Variants in FXYD5 observed in about 807,000 individuals in gnomAD.
FXYD5 encodes FXYD domain-containing ion transport regulator 5.
In FXYD5, 21 loss-of-function variants were observed where a neutral mutation model predicts 25.7. The observed-to-expected ratio is 0.82, with a 90% CI of 0.58 to 1.18. FXYD5 has a LOEUF of 1.18. Among genes scored for constraint, FXYD5 ranks in the 50% most tolerant of loss-of-function variants. The pLI is 0.00. For missense variants in FXYD5, 229 were observed against 227.7 expected, an observed-to-expected ratio of 1.01 and a Z score of -0.04; for synonymous variants, 101 against 90.7, an observed-to-expected ratio of 1.11 and a Z score of -0.64.
intron 8 of FXYD5, among the ~76,000 whole-genome samples, chr19:35,167,455 C>T (rs2065460588): frequency 6.6e-6 from 1 of 152,182 alleles, no homozygotes; most frequent in Non-Finnish European, 1.5e-5. Context: ...CCCTCTCCTC[C>T]CACCCCCCTG....
At chr19:35,156,006 T>A (rs1376137014) in intron 2 of FXYD5, among the ~76,000 whole-genome samples, 1 of 152,250 alleles carries the variant, frequency 6.6e-6, no homozygotes, top group Non-Finnish European at 1.5e-5. Context: ...TCCAAAGAGT[T>A]GGCAACATCT....
intron 8 of FXYD5, among the ~76,000 whole-genome samples, chr19:35,168,353 G>A (rs1207064818): frequency 1.3e-5 from 2 of 152,216 alleles, no homozygotes; most frequent in Non-Finnish European, 2.9e-5. Context: ...GAGTGACAGG[G>A]AAGAGAGGGG....
chr19:35,167,630 C>A (rs539088579), intron 8 of FXYD5, among the ~76,000 whole-genome samples: 1 of 152,320 alleles, frequency 6.6e-6, no homozygotes, highest in South Asian at 2.1e-4. Context: ...ATCTGTATAA[C>A]CAATGCCAAG....
chr19:35,160,692 T>G lies in FXYD5; in HGVS notation c.200-17T>G. 1 of 1,568,356 alleles carries G rather than the reference T, an allele frequency of 6.4e-7. No homozygotes were observed. Among genetic ancestry groups the G allele is most frequent in the South Asian group, 1.1e-5 (1 of 90,138 alleles). ...CTCTTTCTTATCCTTCCCTCCTTGC[T>G]CTCCTGACCTGAATAGAAACACCAC... On this transcript the variant is annotated splice_polypyrimidine_tract_variant and intron_variant, in intron 4 of 8. Transcript: ENST00000392219.
At position 35,155,537 on chromosome 19, in the gene FXYD5, G is replaced by T; in HGVS notation, c.1-14G>T. 7 of 1,607,012 alleles carry T rather than the reference G, an allele frequency of 4.4e-6. No individual in the cohort carries two copies. The highest frequency in any genetic ancestry group is 4.2e-6 in the Non-Finnish European group (5 of 1,178,042). ...TGACATCATGGCTGACCCCAGCATC[G>T]CCTGGTCCCACAGATGTCGCCCTCT... On this transcript the variant is annotated splice_polypyrimidine_tract_variant and intron_variant, in intron 1 of 8. Coordinates refer to ENST00000392219, the MANE Select transcript of FXYD5 (RefSeq NM_014164.6).
intron 5 of FXYD5, 120 bp from the exon 6 acceptor site, chr19:35,164,036 G>A (rs777216490): frequency 1.1e-4 from 166 of 1,557,404 alleles, no homozygotes; most frequent in Admixed American, 1.2e-4. Context: ...GCCTGACCCT[G>A]CACACCAGCT....
chr19:35,166,267 G>A lies in FXYD5; in HGVS notation c.429G>A (p.Arg143=), dbSNP rs1467731664. The A allele has an allele frequency of 1.2e-6, 2 of 1,611,932 alleles. No individual in the cohort carries two copies. ...DPFFYDEHTL[R]KRGLLVAAVL... is the part of the protein sequence containing the mutation. ...TCTCTGCAGATGAACACACCCTCCG[G>A]AAACGGGGGCTGTTGGTCGCAGCTG... The change falls in exon 8 of 9, where the codon CGG becomes CGA. Residue 143 remains arginine, a synonymous_variant. Transcript: ENST00000392219.
chr19:35,157,381 G>T, intron 2 of FXYD5, 40 bp from the exon 3 acceptor site: 7 of 1,110,934 alleles, frequency 6.3e-6, no homozygotes, highest in South Asian at 6.2e-5. Context: ...AGAGGAGGGG[G>T]ACCAGGCTCC....
chr19:35,162,049 G>A (rs967279206), intron 5 of FXYD5, among the ~76,000 whole-genome samples: 1 of 152,186 alleles, frequency 6.6e-6, no homozygotes, highest in South Asian at 2.1e-4. Flanking sequence ...CTGTAGGGGT[G>A]GGGGATAGCA....
Position 35,157,461 on chromosome 19 carries a change from C to G in FXYD5, c.102C>G (p.Asp34Glu), listed in dbSNP as rs748726007. The G allele has an allele frequency of 1.9e-6, 3 of 1,597,844 alleles. No individual in the cohort carries two copies. The highest frequency in any genetic ancestry group is 1.1e-5 in the South Asian group (1 of 90,778). The change falls in exon 3 of 9, where the codon GAC (aspartate) becomes GAG (glutamate). Residue 34 changes from aspartate (D) to glutamate (E), a missense_variant. Asp to Glu is a conservative substitution (Grantham distance 45). Coordinates refer to ENST00000392219, the MANE Select transcript of FXYD5 (RefSeq NM_014164.6). ...ATACCACGTCCAGTTCTTCAGCAGA[C>G]TCAACTATCATGGACATTCAGGTCC... Reference protein sequence around the residue: ...LKDTTSSSSADSTIMDIQVPT... With the variant: ...LKDTTSSSSAESTIMDIQVPT...
chr19:35,157,561 A>T, intron 3 of FXYD5, 60 bp downstream of exon 3: 1 of 891,368 alleles, frequency 1.1e-6, no homozygotes, highest in Non-Finnish European at 1.9e-6. Flanking sequence ...AGCAACAAAA[A>T]TCCCAAACTT....
At chr19:35,167,284 C>T (rs931450008) in intron 8 of FXYD5, among the ~76,000 whole-genome samples, 1 of 152,036 alleles carries the variant, frequency 6.6e-6, no homozygotes, top group Admixed American at 6.6e-5. Context: ...GCCTGAGGGA[C>T]AAGAGGAGGC....
At chr19:35,164,516 T>C (rs1396294243) in intron 6 of FXYD5, among the ~76,000 whole-genome samples, 2 of 152,240 alleles carry the variant, frequency 1.3e-5, no homozygotes, top group African/African-American at 4.8e-5. Context: ...TTTGGAAATC[T>C]AGGGTGTGCT....
At chr19:35,159,654 C>T in intron 4 of FXYD5, 2 of 1,547,810 alleles carry the variant, frequency 1.3e-6, no homozygotes, top group Non-Finnish European at 1.7e-6. Context: ...GGAATATGTA[C>T]TGACTATGTG....
At chr19:35,156,973 T>C (rs1711734849) in intron 2 of FXYD5, 1 of 167,320 alleles carries the variant, frequency 6.0e-6, no homozygotes, top group Admixed American at 6.0e-5. Context: ...ACTGACCACA[T>C]GGTAAGCCGT....
At chr19:35,164,088 C>T (rs755955066) in intron 5 of FXYD5, 68 bp from the exon 6 acceptor site, 1 of 1,611,500 alleles carries the variant, frequency 6.2e-7, no homozygotes, top group Non-Finnish European at 8.5e-7. Context: ...TGCAGACTCT[C>T]AGTAATATCC....
rs1305515732 is a variant in FXYD5 at position 35,157,437 on chromosome 19, T to C, written c.78T>C (p.Asp26=). The C allele has an allele frequency of 1.3e-6, 2 of 1,592,852 alleles. No homozygotes were observed. Among genetic ancestry groups the C allele is most frequent in the South Asian group, 2.2e-5 (2 of 90,658 alleles). Reference sequence around the variant, plus strand: ...ATTCCCCAGGACAGACGTTGAAAGATACCACGTCCAGTTCTTCAGCAGACT... The same window carrying C: ...ATTCCCCAGGACAGACGTTGAAAGACACCACGTCCAGTTCTTCAGCAGACT... ...ILPTRGQTLK[D]TTSSSSADST... The change falls in exon 3 of 9, where the codon GAT becomes GAC. Residue 26 remains aspartate (D), a synonymous_variant. Coordinates refer to ENST00000392219, the MANE Select transcript of FXYD5 (RefSeq NM_014164.6).
chr19:35,161,425 C>T (rs1267194697), intron 5 of FXYD5, among the ~76,000 whole-genome samples: 1 of 152,184 alleles, frequency 6.6e-6, no homozygotes, highest in Non-Finnish European at 1.5e-5. Context: ...ATAGTTCTAA[C>T]TTTAGGTCAC....
At chr19:35,163,299 G>A (rs1298140413) in intron 5 of FXYD5, among the ~76,000 whole-genome samples, 3 of 152,206 alleles carry the variant, frequency 2.0e-5, no homozygotes, top group South Asian at 2.1e-4. Flanking sequence ...GGGAACTTGG[G>A]TTTCACGAGG....
Sources: allele counts gnomAD v4.1 joint callset (sites outside exome capture counted in the v4.1 genomes callset), GRCh38; gene constraint gnomAD v4.1.1; transcripts MANE v1.5; gene names NCBI Gene and HGNC (gene_info 2026-07-23, HGNC 2026-07-21).